DOCK2: variants seen among roughly 807,000 people sequenced by gnomAD.
DOCK2 encodes dedicator of cytokinesis 2, also known as dedicator of cytokinesis protein 2.
DOCK2 carries 87 observed loss-of-function variants against 248.9 expected under a neutral mutation model. That is an observed-to-expected ratio of 0.35 (90% CI 0.29 to 0.42). The LOEUF (loss-of-function observed/expected upper bound fraction) is 0.42, where lower values mean the gene tolerates loss of function less well. DOCK2 is among the 10% of genes least tolerant of loss of function. The pLI is 1.00. For missense variants in DOCK2, 1,747 were observed against 2,300.2 expected (o/e 0.76, Z 4.92); for synonymous variants, 805 against 821.6 (o/e 0.98, Z 0.35).
chr5:169,816,487 C>T (rs1320575320), intron 26 of DOCK2, among the ~76,000 whole-genome samples: 1 of 152,196 alleles, frequency 6.6e-6, no homozygotes, highest in Non-Finnish European at 1.5e-5. Flanking sequence ...TATTTATTAC[C>T]TTGCCTTTGG....
At chr5:169,650,958 G>T (rs1165860165) in intron 1 of DOCK2, among the ~76,000 whole-genome samples, 2 of 152,152 alleles carry the variant, frequency 1.3e-5, no homozygotes, top group East Asian at 1.9e-4. Context: ...TCCCTGATTT[G>T]TCTATCTTTT....
intron 22 of DOCK2, among the ~76,000 whole-genome samples, chr5:169,744,806 G>C (rs73801930): frequency 1.3e-5 from 2 of 152,084 alleles, no homozygotes; most frequent in African/African-American, 4.8e-5. Context: ...TTCAGTTATG[G>C]AGGGTAGGAT....
intron 26 of DOCK2, among the ~76,000 whole-genome samples, chr5:169,828,618 G>A (rs769244395): frequency 1.3e-5 from 2 of 152,136 alleles, no homozygotes; most frequent in African/African-American, 4.8e-5. Flanking sequence ...AGGATAGAAC[G>A]TTGTATGTAT....
Position 170,028,058 on chromosome 5 carries a change from C to T in DOCK2, c.3467+110C>T, listed in dbSNP as rs963786938. On this transcript the variant is annotated intron_variant, in intron 34 of 51. Transcript: ENST00000520908. ...GCTCTGTCCTCCCCTGGAGATGGAT[C>T]TAGAGGCTCATGGGTATTGGCAAAA... The T allele has an allele frequency of 1.6e-5, 14 of 887,782 alleles. No individual in the cohort carries two copies. In the African/African-American group the frequency reaches 2.4e-4, roughly 15 times the overall value. The allele number at this position is 887,782 out of a possible 1,614,324, so 55.0% of individuals were successfully genotyped here.
intron 23 of DOCK2, among the ~76,000 whole-genome samples, chr5:169,758,469 C>G (rs1195399121): frequency 6.6e-6 from 1 of 152,120 alleles, no homozygotes; most frequent in South Asian, 2.1e-4. Context: ...AGAGTATTGA[C>G]TTTTTAAAAT....
At chr5:169,846,022 A>G (rs1413222031) in intron 27 of DOCK2, among the ~76,000 whole-genome samples, 3 of 152,178 alleles carry the variant, frequency 2.0e-5, no homozygotes, top group Admixed American at 6.6e-5. Context: ...GCCCCAATCT[A>G]ATTTTGAATT....
intron 25 of DOCK2, among the ~76,000 whole-genome samples, chr5:169,800,958 T>C (rs74349946): frequency 3.5e-5 from 3 of 85,530 alleles, no homozygotes; most frequent in African/African-American, 8.0e-5. Flanking sequence ...TTTTTTTTTT[T>C]TTTTTTTTTT....
intron 47 of DOCK2, 37 bp downstream of exon 47, chr5:170,076,121 G>T (rs368322113): frequency 6.2e-6 from 10 of 1,604,576 alleles, no homozygotes; most frequent in African/African-American, 1.3e-5. Flanking sequence ...GGGTGGGATT[G>T]TGCAGGGTGG....
intron 22 of DOCK2, among the ~76,000 whole-genome samples, chr5:169,732,449 T>C (rs916244101): frequency 2.2e-4 from 34 of 152,192 alleles, no homozygotes; most frequent in African/African-American, 8.0e-4. Flanking sequence ...GCCTCACCTC[T>C]TCACCAAGTT....
At chr5:169,655,177 A>G (rs1394463996) in intron 2 of DOCK2, among the ~76,000 whole-genome samples, 2 of 152,214 alleles carry the variant, frequency 1.3e-5, no homozygotes, top group Non-Finnish European at 2.9e-5. Context: ...ATGAGAACCA[A>G]ATGAGCTGCT....
chr5:170,031,139 G>A (rs574851400), intron 34 of DOCK2, among the ~76,000 whole-genome samples: 148 of 152,360 alleles, frequency 9.7e-4, no homozygotes, highest in Non-Finnish European at 1.9e-3. Context: ...ACACACCGCT[G>A]CCTTTCTGTA....
At chr5:169,985,738 A>T in intron 28 of DOCK2, 90 bp from the exon 29 acceptor site, 1 of 1,107,022 alleles carries the variant, frequency 9.0e-7, no homozygotes, top group Non-Finnish European at 1.3e-6. Context: ...TCCTCCCTCC[A>T]AAATATAATA....
chr5:169,930,242 G>A (rs1040380142), intron 27 of DOCK2, among the ~76,000 whole-genome samples: 5 of 152,040 alleles, frequency 3.3e-5, no homozygotes, highest in Admixed American at 6.6e-5. Flanking sequence ...CGCCTGCCTC[G>A]GCCTCCCAAA....
chr5:169,787,332 T>C (rs1766047946), intron 25 of DOCK2, among the ~76,000 whole-genome samples: 2 of 152,238 alleles, frequency 1.3e-5, no homozygotes, highest in East Asian at 3.8e-4. Context: ...TGCATGGTAC[T>C]CTAGCAGAGT....
chr5:170,045,160 C>A lies in DOCK2; in HGVS notation c.3877-656C>A, dbSNP rs192163858. Among the ~76,000 whole-genome samples, 18 of 152,210 alleles carry A rather than the reference C, an allele frequency of 1.2e-4. No homozygotes were observed. In the East Asian group the frequency reaches 2.9e-3, roughly 25 times the overall value. On this transcript the variant is annotated intron_variant, in intron 38 of 51. Transcript: ENST00000520908. ...TCTATGCTACCTGACTCTACTTCCA[C>A]ACATCAAATAATCCCATTAAAAAGT...
At chr5:169,830,134 T>A (rs1769126521) in intron 26 of DOCK2, among the ~76,000 whole-genome samples, 1 of 152,238 alleles carries the variant, frequency 6.6e-6, no homozygotes, top group African/African-American at 2.4e-5. Context: ...TGGGAGCAGA[T>A]CCAGCTCCAT....
intron 26 of DOCK2, among the ~76,000 whole-genome samples, chr5:169,827,293 A>G (rs950103976): frequency 2.6e-5 from 4 of 152,038 alleles, no homozygotes; most frequent in African/African-American, 9.7e-5. Flanking sequence ...GTTGGAGAGG[A>G]GCTGCAACCT....
intron 27 of DOCK2, among the ~76,000 whole-genome samples, chr5:169,942,033 C>T (rs1010740931): frequency 6.6e-6 from 1 of 152,194 alleles, no homozygotes; most frequent in Non-Finnish European, 1.5e-5. Context: ...CCACTGCTGT[C>T]GTTAGCCTGA....
chr5:169,873,814 T>C (rs1772134144), intron 27 of DOCK2, among the ~76,000 whole-genome samples: 1 of 152,172 alleles, frequency 6.6e-6, no homozygotes, highest in Non-Finnish European at 1.5e-5. Context: ...AGAAGCACTC[T>C]CAGACCTCCA....
Sources: gnomAD v4.1 joint callset for allele counts (sites outside exome capture counted in the v4.1 genomes callset) on GRCh38, gnomAD v4.1.1 for gene constraint, MANE v1.5 for transcripts, NCBI Gene and HGNC (gene_info 2026-07-23, HGNC 2026-07-21) for gene names.